The following BACH1 variants were observed in gnomAD, a reference collection of about 807,000 sequenced individuals.
BACH1 encodes transcription regulator protein BACH1.
BACH1 carries 35 observed loss-of-function variants against 52.9 expected under a neutral mutation model. That is an observed-to-expected ratio of 0.66 (90% CI 0.51 to 0.88). BACH1 has a LOEUF of 0.88. BACH1 is among the 40% of genes least tolerant of loss of function. The pLI, the probability that BACH1 is intolerant of heterozygous loss-of-function variation, is 0.00. For missense variants in BACH1, 808 were observed against 872.6 expected (o/e 0.93, Z 0.93); for synonymous variants, 321 against 319.6 (o/e 1.00, Z -0.05).
At position 29,337,093 on chromosome 21, in the gene BACH1, A is replaced by G. The variant is rs376047632; in HGVS notation, c.1777-5306A>G. Among the ~76,000 whole-genome samples, 22 of 152,206 alleles carry G rather than the reference A, an allele frequency of 1.4e-4. No homozygotes were observed. In the East Asian group the frequency reaches 3.1e-3, roughly 21 times the overall value. On this transcript the variant is annotated intron_variant, in intron 4 of 4. Transcript: ENST00000286800. Reference sequence around the variant, plus strand: ...AGTCATTATTCTTTTTGATGTTGACATTTTTCAAATTTGGCCTGGGAGAGC... The same window carrying G: ...AGTCATTATTCTTTTTGATGTTGACGTTTTTCAAATTTGGCCTGGGAGAGC...
chr21:29,359,552 C>T (rs534074529), intron 2 of BACH1: 155 of 151,146 alleles, frequency 1.0e-3, no homozygotes, highest in African/African-American at 3.6e-3. Context: ...CTATCAAACA[C>T]GATTTTAAGC....
chr21:29,315,341 T>A (rs2088773724), intron 1 of BACH1, among the ~76,000 whole-genome samples: 3 of 152,010 alleles, frequency 2.0e-5, no homozygotes, highest in Admixed American at 2.0e-4. Flanking sequence ...CTTAGGGAGC[T>A]CAGAAAGATG....
intron 1 of BACH1, among the ~76,000 whole-genome samples, chr21:29,315,255 C>G (rs777562834): frequency 1.3e-5 from 2 of 152,100 alleles, no homozygotes; most frequent in African/African-American, 4.8e-5. Flanking sequence ...CTTTGGGTAT[C>G]TTAGGTGTAT....
At chr21:29,353,777 C>T (rs1195178193) in intron 2 of BACH1, among the ~76,000 whole-genome samples, 1 of 152,136 alleles carries the variant, frequency 6.6e-6, no homozygotes. Context: ...GGACTGGCAC[C>T]TTATGCATAA....
Position 29,342,823 on chromosome 21 carries a change from C to T in BACH1, c.2201C>T (p.Thr734Ile), listed in dbSNP as rs760631949. 1.9e-6 allele frequency: 3 copies of T among 1,583,884 alleles called. No homozygotes were observed. The highest frequency in any genetic ancestry group is 2.3e-5 in the South Asian group (2 of 88,850). ...FCQQMTDKCTTDE is the reference protein window; with the variant it reads ...FCQQMTDKCTIDE ...CAGCAGATGACTGATAAATGTACTA[C>T]TGATGAGTAAACTTGCATTCACTTC... is the stretch of plus-strand genomic sequence containing the variant. Residue 734 changes from threonine (T) to isoleucine (I), a missense_variant, in exon 5 of 5, where the codon ACT (threonine) becomes ATT (isoleucine). Physicochemically the swap from Thr to Ile is moderately conservative, Grantham distance 89. Transcript: ENST00000286800.
chr21:29,311,098 C>A (rs547952806), intron 1 of BACH1, among the ~76,000 whole-genome samples: 14 of 152,164 alleles, frequency 9.2e-5, no homozygotes, highest in Non-Finnish European at 1.8e-4. Flanking sequence ...TTCAACAGCT[C>A]ATTTTTCTGG....
intron 2 of BACH1, among the ~76,000 whole-genome samples, chr21:29,358,818 A>AAAGAAAGAAAGAAAG (rs1569028922): frequency 1.8e-4 from 24 of 137,058 alleles, no homozygotes; most frequent in African/African-American, 6.0e-4. Flanking sequence ...AAGAAAGAAG[A>AAAGAAAGAAAGAAAG]AAGAAAGAAA....
intron 1 of BACH1, among the ~76,000 whole-genome samples, chr21:29,300,380 T>C (rs1210374650): frequency 1.3e-5 from 2 of 152,206 alleles, no homozygotes; most frequent in East Asian, 3.8e-4. Flanking sequence ...TCTCATCACA[T>C]GCCTCCACTA....
chr21:29,345,037 CAG>C lies in BACH1; in HGVS notation c.*2206_*2207del, dbSNP rs1302665836. 3 of 152,544 alleles carry C rather than the reference CAG, an allele frequency of 2.0e-5. No individual in the cohort carries two copies. Among genetic ancestry groups the C allele is most frequent in the Non-Finnish European group, 1.5e-5 (1 of 68,002 alleles). The allele number at this position is 152,544 out of a possible 1,614,324, so 9.4% of individuals were successfully genotyped here. On this transcript the variant is annotated 3_prime_UTR_variant, in exon 5 of 5. Transcript: ENST00000286800. ...GCATTAAGGGTTTCTATTAATGACA[CAG>C]AATTATTGGCCAAGTGTAATTTCTT...
chr21:29,325,788 A>G (rs2088903341), intron 2 of BACH1, among the ~76,000 whole-genome samples: 1 of 152,134 alleles, frequency 6.6e-6, no homozygotes, highest in Non-Finnish European at 1.5e-5. Flanking sequence ...GTAATGTCTT[A>G]CATCTTTAAC....
intron 2 of BACH1, chr21:29,351,594 A>G (rs770844722): frequency 1.7e-5 from 9 of 534,424 alleles, no homozygotes; most frequent in Non-Finnish European, 2.7e-5. Context: ...GACCTCATCT[A>G]TTATGCTCAA....
In BACH1 at chr21:29,343,440, A is replaced by T. The variant is rs1188388432; in HGVS notation, c.*607A>T. 2.0e-5 allele frequency: 3 copies of T among 152,276 alleles called. No homozygotes were observed. The allele number at this position is 152,276 out of a possible 1,614,324, so 9.4% of individuals were successfully genotyped here. ...GCTACATTGGGAAGATTTAGTAAAT[A>T]GGCAAGTGGTTGGCCTAAGACGGGG... On this transcript the variant is annotated 3_prime_UTR_variant, in exon 5 of 5. Coordinates refer to ENST00000286800, the MANE Select transcript of BACH1 (RefSeq NM_001186.4).
Position 29,345,942 on chromosome 21 carries a change from T to C in BACH1, c.*3109T>C, listed in dbSNP as rs2089164658. ...ATTGATTTTTTTATATCTTTCATAA[T>C]ATAATTTTCTAACAATGCAATAAAA... is the stretch of plus-strand genomic sequence containing the variant. On this transcript the variant is annotated 3_prime_UTR_variant, in exon 5 of 5. Transcript: ENST00000286800. 1 of 152,664 alleles carries C rather than the reference T, an allele frequency of 6.6e-6. No individual in the cohort carries two copies. The highest frequency in any genetic ancestry group is 1.5e-5 in the Non-Finnish European group (1 of 68,034). 9.5% of individuals were successfully genotyped at this position (152,664 alleles called of 1,614,324 possible).
At chr21:29,301,239 G>T (rs1218709110) in intron 1 of BACH1, among the ~76,000 whole-genome samples, 1 of 152,128 alleles carries the variant, frequency 6.6e-6, no homozygotes, top group African/African-American at 2.4e-5. Context: ...GGTTCATTTG[G>T]AAGGAATATA....
At chr21:29,360,780 G>A (rs2089266355) in intron 2 of BACH1, among the ~76,000 whole-genome samples, 1 of 151,170 alleles carries the variant, frequency 6.6e-6, no homozygotes, top group Non-Finnish European at 1.5e-5. Flanking sequence ...ACGAGGTGGA[G>A]GTTGCAGTGA....
intron 4 of BACH1, among the ~76,000 whole-genome samples, chr21:29,335,928 C>T (rs1042862331): frequency 2.0e-5 from 3 of 152,190 alleles, no homozygotes; most frequent in African/African-American, 7.2e-5. Context: ...TATGACACTT[C>T]ATCCTTAAAT....
chr21:29,351,210 C>G (rs2089200293), intron 2 of BACH1, among the ~76,000 whole-genome samples: 1 of 152,172 alleles, frequency 6.6e-6, no homozygotes, highest in Non-Finnish European at 1.5e-5. Flanking sequence ...GAGACCGGAC[C>G]TAAATAATTT....
intron 1 of BACH1, among the ~76,000 whole-genome samples, chr21:29,304,138 T>C (rs1399718768): frequency 6.6e-6 from 1 of 151,482 alleles, no homozygotes; most frequent in Non-Finnish European, 1.5e-5. Context: ...TCTTTTTTTT[T>C]TTTTTGAGAT....
intron 4 of BACH1, among the ~76,000 whole-genome samples, chr21:29,336,030 A>G (rs1401142152): frequency 2.0e-5 from 3 of 152,226 alleles, no homozygotes; most frequent in African/African-American, 4.8e-5. Context: ...TAAATATTAT[A>G]TCTAGTTTTT....
Sources: gnomAD v4.1 joint callset for allele counts (sites outside exome capture counted in the v4.1 genomes callset) on GRCh38, gnomAD v4.1.1 for gene constraint, MANE v1.5 for transcripts, NCBI Gene and HGNC (gene_info 2026-07-23, HGNC 2026-07-21) for gene names.